LRRC28: variants seen among roughly 807,000 people sequenced by gnomAD.
LRRC28 encodes leucine-rich repeat-containing protein 28.
In LRRC28, 39 loss-of-function variants were observed where a neutral mutation model predicts 45.7. That is an observed-to-expected ratio of 0.85 (90% confidence interval 0.66 to 1.12). The LOEUF (loss-of-function observed/expected upper bound fraction) is 1.12, where lower values mean the gene tolerates loss of function less well. LRRC28 is among the 50% of genes most tolerant of loss of function. The probability of loss-of-function intolerance (pLI) is 0.00; values close to 1 mark genes in which losing one functional copy is unlikely to be tolerated. For synonymous variants in LRRC28, 206 were observed against 178.8 expected (o/e 1.15, Z -1.22); for missense variants, 435 against 438.5 (o/e 0.99, Z 0.07).
At chr15:99,285,813 T>A (rs1267397806) in intron 3 of LRRC28, 3 of 447,632 alleles carry the variant, frequency 6.7e-6, no homozygotes, top group Non-Finnish European at 8.6e-6. Context: ...AAAATTTTTT[T>A]AATCAGTTCT....
chr15:99,377,322 T>G (rs369667523), intron 9 of LRRC28, among the ~76,000 whole-genome samples: 1 of 151,046 alleles, frequency 6.6e-6, no homozygotes, highest in East Asian at 1.9e-4. Flanking sequence ...TTTCATGTGT[T>G]TTTTGGCTGC....
intron 6 of LRRC28, among the ~76,000 whole-genome samples, chr15:99,334,775 G>T (rs1029887214): frequency 1.3e-5 from 2 of 152,022 alleles, no homozygotes; most frequent in African/African-American, 4.8e-5. Flanking sequence ...AAACAAAAGT[G>T]CCATTTAAAA....
At chr15:99,303,679 C>G (rs374641817) in intron 5 of LRRC28, among the ~76,000 whole-genome samples, 8 of 152,018 alleles carry the variant, frequency 5.3e-5, no homozygotes, top group African/African-American at 1.9e-4. Flanking sequence ...ACTAAAAATA[C>G]AAAAATTAGC....
chr15:99,340,768 G>C (rs996639292), intron 6 of LRRC28, among the ~76,000 whole-genome samples: 4 of 152,160 alleles, frequency 2.6e-5, no homozygotes, highest in African/African-American at 7.2e-5. Flanking sequence ...CTTTCAAAAA[G>C]GGGGCCCAAA....
At position 99,264,682 on chromosome 15, in the gene LRRC28, A is replaced by C. The variant is rs140959117; in HGVS notation, c.168+8557A>C. 6.4e-3 allele frequency among the ~76,000 whole-genome samples: 977 copies of C among 152,300 alleles called. 13 individuals carry two copies. Among genetic ancestry groups the C allele is most frequent in the African/African-American group, 0.022 (917 of 41,558 alleles). On this transcript the variant is annotated intron_variant, in intron 2 of 9. Coordinates refer to ENST00000301981, the MANE Select transcript of LRRC28 (RefSeq NM_144598.5). Reference sequence around the variant, plus strand: ...TTTGGCTGTGATATGGGATGGGCATAGTGGGAGGGGATTTGACAGCAAAGG... The same window carrying C: ...TTTGGCTGTGATATGGGATGGGCATCGTGGGAGGGGATTTGACAGCAAAGG...
Position 99,387,129 on chromosome 15 carries a change from C to A in LRRC28, c.*1027C>A, listed in dbSNP as rs372287004. On this transcript the variant is annotated 3_prime_UTR_variant, in exon 10 of 10. Coordinates refer to ENST00000301981, the MANE Select transcript of LRRC28 (RefSeq NM_144598.5). ...AGGCTGGAGTGCAGTGGCGGGATCT[C>A]GGCTCACTGCAAGCTCCGCCTCCCG... is the stretch of plus-strand genomic sequence containing the variant. The A allele has an allele frequency of 6.6e-6, 1 of 150,640 alleles. No homozygotes were observed. Among genetic ancestry groups the A allele is most frequent in the East Asian group, 2.0e-4 (1 of 5,084 alleles). 9.3% of individuals were successfully genotyped at this position (150,640 alleles called of 1,614,324 possible). A position where few individuals can be genotyped will look rare whatever the true frequency, so the allele number is the denominator to read the frequency against.
chr15:99,306,983 G>A (rs543860486), intron 5 of LRRC28, among the ~76,000 whole-genome samples: 1 of 152,290 alleles, frequency 6.6e-6, no homozygotes, highest in Admixed American at 6.5e-5. Context: ...TTAGCCTGCT[G>A]CTTTTCTCCT....
chr15:99,383,119 T>A (rs1357280247), intron 9 of LRRC28, among the ~76,000 whole-genome samples: 1 of 152,202 alleles, frequency 6.6e-6, no homozygotes, highest in Non-Finnish European at 1.5e-5. Context: ...CTTGCCCCTG[T>A]CCCTCTGTCC....
chr15:99,314,097 G>GC (rs1955509632), intron 5 of LRRC28, among the ~76,000 whole-genome samples: 3 of 152,166 alleles, frequency 2.0e-5, no homozygotes, highest in Non-Finnish European at 4.4e-5. Flanking sequence ...TTTGTCACAT[G>GC]CCTTAGGCTG....
chr15:99,282,477 A>G (rs894827872), intron 3 of LRRC28, among the ~76,000 whole-genome samples: 2 of 152,204 alleles, frequency 1.3e-5, no homozygotes, highest in Non-Finnish European at 2.9e-5. Flanking sequence ...GACAGGCCAC[A>G]TACATAATGG....
At chr15:99,349,938 C>T (rs1438614421) in intron 6 of LRRC28, among the ~76,000 whole-genome samples, 5 of 151,668 alleles carry the variant, frequency 3.3e-5, no homozygotes, top group African/African-American at 1.2e-4. Context: ...AGATCGAGAC[C>T]ATCCTGGCTA....
intron 7 of LRRC28, among the ~76,000 whole-genome samples, chr15:99,360,624 C>T (rs1957174564): frequency 6.6e-6 from 1 of 152,132 alleles, no homozygotes; most frequent in Non-Finnish European, 1.5e-5. Context: ...GTCTTCAGAG[C>T]CAAGGTTTGT....
intron 3 of LRRC28, among the ~76,000 whole-genome samples, chr15:99,284,312 A>G: frequency 6.6e-6 from 1 of 152,178 alleles, no homozygotes; most frequent in East Asian, 1.9e-4. Flanking sequence ...ATTCAGCGTC[A>G]TGATCACACT....
intron 5 of LRRC28, among the ~76,000 whole-genome samples, chr15:99,293,082 G>T (rs1241077264): frequency 1.3e-5 from 2 of 151,950 alleles, no homozygotes; most frequent in African/African-American, 4.8e-5. Flanking sequence ...TCCTCCATTG[G>T]CTTTTCTCTA....
intron 6 of LRRC28, among the ~76,000 whole-genome samples, chr15:99,334,734 A>G (rs780049745): frequency 3.9e-5 from 6 of 152,216 alleles, no homozygotes; most frequent in Non-Finnish European, 7.3e-5. Context: ...TTTATTTTAT[A>G]GATAGCTGAA....
rs144010131 is a variant in LRRC28 at position 99,292,948 on chromosome 15, C to T, written c.385+4997C>T. On this transcript the variant is annotated intron_variant, in intron 5 of 9. Coordinates refer to ENST00000301981, the MANE Select transcript of LRRC28 (RefSeq NM_144598.5). ...GAGAGTGATGATCTCTTTGGAGTTT[C>T]TATTTTCAAATTGGAATTAAGTCCT... Among the ~76,000 whole-genome samples, 550 of 152,248 alleles carry T rather than the reference C, an allele frequency of 3.6e-3. 1 individual carries two copies. The highest frequency in any genetic ancestry group is 6.5e-3 in the Admixed American group (99 of 15,288).
chr15:99,383,865 AT>A (rs1957904572), intron 9 of LRRC28, among the ~76,000 whole-genome samples: 2 of 152,226 alleles, frequency 1.3e-5, no homozygotes, highest in East Asian at 3.9e-4. Flanking sequence ...TAGCTGTCTC[AT>A]TAGCTGTTGG....
chr15:99,275,664 C>T (rs570328038), intron 2 of LRRC28, among the ~76,000 whole-genome samples: 5 of 152,360 alleles, frequency 3.3e-5, no homozygotes, highest in African/African-American at 9.6e-5. Context: ...GGTTCCTTCT[C>T]AGGGCTCTGA....
chr15:99,255,375 A>G, intron 1 of LRRC28, among the ~76,000 whole-genome samples: 1 of 152,098 alleles, frequency 6.6e-6, no homozygotes, highest in Non-Finnish European at 1.5e-5. Flanking sequence ...AATAAGAAGA[A>G]AGAAAAGAAT....
Sources: gnomAD v4.1 joint callset for allele counts (sites outside exome capture counted in the v4.1 genomes callset) on GRCh38, gnomAD v4.1.1 for gene constraint, MANE v1.5 for transcripts, NCBI Gene and HGNC (gene_info 2026-07-23, HGNC 2026-07-21) for gene names.